PCDHAC1: variants seen among roughly 807,000 people sequenced by gnomAD.
PCDHAC1 encodes protocadherin alpha subfamily C, 1, also known as protocadherin alpha-C1.
Under a neutral mutation model 60.0 loss-of-function variants are expected in PCDHAC1, and 42 were observed. The ratio of observed to expected loss-of-function variants is 0.70; its 90% CI spans 0.55 to 0.90. PCDHAC1 has a LOEUF of 0.90. PCDHAC1 is among the 40% of genes least tolerant of loss of function. The pLI is 0.00. For synonymous variants in PCDHAC1, 468 were observed against 499.3 expected, an observed-to-expected ratio of 0.94 and a Z score of 0.84; for missense variants, 1,160 against 1,222.3, an observed-to-expected ratio of 0.95 and a Z score of 0.76.
chr5:140,945,533 A>G (rs1007849839), intron 1 of PCDHAC1, among the ~76,000 whole-genome samples: 2 of 152,084 alleles, frequency 1.3e-5, no homozygotes, highest in African/African-American at 4.8e-5. Flanking sequence ...AAAACAAAAC[A>G]TACAAACAAA....
At chr5:140,980,358 G>A (rs143597147) in intron 2 of PCDHAC1, among the ~76,000 whole-genome samples, 260 of 152,274 alleles carry the variant, frequency 1.7e-3, no homozygotes, top group South Asian at 0.014. Context: ...TGGACTGGGC[G>A]CGGTGGCTCA....
chr5:140,953,842 T>A (rs1369287853), intron 1 of PCDHAC1, among the ~76,000 whole-genome samples: 2 of 152,214 alleles, frequency 1.3e-5, no homozygotes, highest in Non-Finnish European at 2.9e-5. Flanking sequence ...GTTACCCAGG[T>A]AAACATGTGC....
Position 140,946,631 on chromosome 5 carries a change from T to TATATATATATATATATATATATACAC in PCDHAC1, c.2433+17307_2433+17308insTATATATATATATATATATATACACA, listed in dbSNP as rs57893927. Among the ~76,000 whole-genome samples, 213 of 131,752 alleles carry TATATATATATATATATATATATACAC rather than the reference T, an allele frequency of 1.6e-3. 5 individuals carry two copies. The highest frequency in any genetic ancestry group is 6.6e-3 in the African/African-American group (188 of 28,632). The allele number at this position is 131,752 out of a possible 152,430, so 86.4% of individuals were successfully genotyped here. A position where few individuals can be genotyped will look rare whatever the true frequency, so the allele number is the denominator to read the frequency against. Reference sequence around the variant, plus strand: ...TGTGAAATATATATATATATATATATACAATGGAATACTCATCAGCCATTA... The same window carrying TATATATATATATATATATATATACAC: ...TGTGAAATATATATATATATATATATATATATATATATATATATATATACACACAATGGAATACTCATCAGCCATTA... On this transcript the variant is annotated intron_variant, in intron 1 of 3. Transcript: ENST00000253807.
chr5:140,946,629 T>TATATATATATATATATATATAC (rs1367833800), intron 1 of PCDHAC1, among the ~76,000 whole-genome samples: 1 of 123,274 alleles, frequency 8.1e-6, no homozygotes, highest in African/African-American at 3.0e-5. Context: ...TATATATATA[T>TATATATATATATATATATATAC]ATACAATGGA....
intron 1 of PCDHAC1, among the ~76,000 whole-genome samples, chr5:140,952,680 G>A (rs1013469820): frequency 6.6e-6 from 1 of 152,128 alleles, no homozygotes; most frequent in Middle Eastern, 3.2e-3. Flanking sequence ...CACATTTTCA[G>A]GATCTTTATA....
At chr5:140,956,754 C>T (rs1470553559) in intron 1 of PCDHAC1, among the ~76,000 whole-genome samples, 5 of 152,140 alleles carry the variant, frequency 3.3e-5, no homozygotes, top group African/African-American at 1.2e-4. Flanking sequence ...TGATAGAATT[C>T]AGCTGTAAAT....
intron 1 of PCDHAC1, among the ~76,000 whole-genome samples, chr5:140,950,672 C>A (rs76583571): frequency 0.016 from 2,473 of 152,120 alleles, 63 homozygotes; most frequent in African/African-American, 0.055. Context: ...CAAACATGTA[C>A]ATGTATATTG....
chr5:140,977,925 A>T (rs782072280), intron 1 of PCDHAC1, among the ~76,000 whole-genome samples: 4 of 152,152 alleles, frequency 2.6e-5, no homozygotes, highest in African/African-American at 7.2e-5. Context: ...TTTTCATTCA[A>T]CTATACCTCA....
intron 2 of PCDHAC1, among the ~76,000 whole-genome samples, chr5:140,981,118 G>A (rs1205022984): frequency 6.6e-6 from 1 of 152,196 alleles, no homozygotes; most frequent in Admixed American, 6.5e-5. Flanking sequence ...TACTGGATAT[G>A]TTGTTTGAAG....
At chr5:140,991,691 A>G (rs2153897191) in intron 3 of PCDHAC1, among the ~76,000 whole-genome samples, 1 of 152,286 alleles carries the variant, frequency 6.6e-6, no homozygotes, top group Middle Eastern at 3.4e-3. Flanking sequence ...TCTCTAGTAG[A>G]GCCATTAATA....
intron 1 of PCDHAC1, among the ~76,000 whole-genome samples, chr5:140,961,708 A>C (rs2095630610): frequency 6.6e-6 from 1 of 152,204 alleles, no homozygotes; most frequent in Non-Finnish European, 1.5e-5. Flanking sequence ...GAATGCCTTC[A>C]TTTCTAAGTG....
intron 1 of PCDHAC1, among the ~76,000 whole-genome samples, chr5:140,957,165 A>G (rs2095338056): frequency 6.6e-6 from 1 of 152,190 alleles, no homozygotes; most frequent in Non-Finnish European, 1.5e-5. Context: ...AAATCTAAGT[A>G]TATAAATTGG....
intron 1 of PCDHAC1, among the ~76,000 whole-genome samples, chr5:140,939,358 A>C (rs1291026920): frequency 1.3e-5 from 2 of 152,172 alleles, no homozygotes; most frequent in Admixed American, 1.3e-4. Flanking sequence ...TTATGATTGC[A>C]AAGGAGGAGG....
At chr5:140,939,987 C>T (rs2092516961) in intron 1 of PCDHAC1, among the ~76,000 whole-genome samples, 1 of 152,060 alleles carries the variant, frequency 6.6e-6, no homozygotes. Flanking sequence ...TGAATTGTTT[C>T]TCCTTGGATT....
At chr5:140,990,224 G>T (rs1368393390) in intron 3 of PCDHAC1, among the ~76,000 whole-genome samples, 1 of 152,160 alleles carries the variant, frequency 6.6e-6, no homozygotes, top group Non-Finnish European at 1.5e-5. Flanking sequence ...GAAGTTTATT[G>T]TAACTAGCGT....
intron 3 of PCDHAC1, among the ~76,000 whole-genome samples, chr5:140,997,083 A>C (rs1267571178): frequency 2.6e-5 from 4 of 152,174 alleles, no homozygotes; most frequent in Non-Finnish European, 5.9e-5. Flanking sequence ...AGTTGAGTAG[A>C]AAGTGCAGAG....
intron 3 of PCDHAC1, among the ~76,000 whole-genome samples, chr5:140,986,408 C>G (rs1587158509): frequency 6.6e-6 from 1 of 152,176 alleles, no homozygotes; most frequent in East Asian, 1.9e-4. Context: ...GCTCATGTTA[C>G]AGCTCTTTTT....
chr5:140,993,293 A>G (rs1445204823), intron 3 of PCDHAC1, among the ~76,000 whole-genome samples: 1 of 152,062 alleles, frequency 6.6e-6, no homozygotes, highest in African/African-American at 2.4e-5. Flanking sequence ...CAGGGTCACA[A>G]CCTTGCCTCC....
rs1333362831 is a variant in PCDHAC1 at position 140,976,454 on chromosome 5, GGAA to G, written c.2434-2488_2434-2486del. Among the ~76,000 whole-genome samples, 4 of 152,214 alleles carry G rather than the reference GGAA, an allele frequency of 2.6e-5. No individual in the cohort carries two copies. The East Asian group carries it at 7.7e-4, about 29-fold the overall frequency. On this transcript the variant is annotated intron_variant, in intron 1 of 3. Transcript: ENST00000253807. Reference sequence around the variant, plus strand: ...TAATCCCAGCTACTAGGGAGGCTGGGGAAGAAGAATTGCTTGAATCCGGGAGGC... The same window carrying G: ...TAATCCCAGCTACTAGGGAGGCTGGGGAAGAATTGCTTGAATCCGGGAGGC...
Sources: gnomAD v4.1 joint callset for allele counts (sites outside exome capture counted in the v4.1 genomes callset) on GRCh38, gnomAD v4.1.1 for gene constraint, MANE v1.5 for transcripts, NCBI Gene and HGNC (gene_info 2026-07-23, HGNC 2026-07-21) for gene names.